Variants in PTPRS observed in about 807,000 individuals in gnomAD.
The protein encoded by PTPRS is receptor-type tyrosine-protein phosphatase S.
Under a neutral mutation model 215.3 loss-of-function variants are expected in PTPRS, and 63 were observed. That is an observed-to-expected ratio of 0.29 (90% CI 0.24 to 0.36). The LOEUF (loss-of-function observed/expected upper bound fraction) is 0.36. PTPRS is among the 10% of genes least tolerant of loss of function. The pLI, the probability that PTPRS is intolerant of heterozygous loss-of-function variation, is 1.00. For synonymous variants in PTPRS, 1,404 were observed against 1,191.4 expected (o/e 1.18, Z -3.68); for missense variants, 2,258 against 2,825.8 (o/e 0.80, Z 4.56).
At chr19:5,290,840 T>C (rs1229780092) in intron 1 of PTPRS, among the ~76,000 whole-genome samples, 1 of 151,876 alleles carries the variant, frequency 6.6e-6, no homozygotes, top group African/African-American at 2.4e-5. Context: ...TGCCACCGCC[T>C]GGAACGTCAT....
chr19:5,216,600 G>A (rs1465277400), intron 26 of PTPRS, 120 bp downstream of exon 26: 2 of 873,022 alleles, frequency 2.3e-6, no homozygotes, highest in Non-Finnish European at 3.6e-6. Context: ...CAAGACAGGT[G>A]GGCAAAGGCC....
chr19:5,326,410 C>T (rs891462863), intron 1 of PTPRS, among the ~76,000 whole-genome samples: 2 of 152,218 alleles, frequency 1.3e-5, no homozygotes, highest in South Asian at 2.1e-4. Flanking sequence ...CCTTGTTTTG[C>T]TCTCACCACA....
intron 1 of PTPRS, among the ~76,000 whole-genome samples, chr19:5,340,204 G>A (rs1018798653): frequency 6.7e-6 from 1 of 149,074 alleles, no homozygotes; most frequent in African/African-American, 2.5e-5. Context: ...CCGGCACAGC[G>A]CCCCCTGCCT....
chr19:5,229,913 C>CA (rs1472348229), intron 14 of PTPRS, among the ~76,000 whole-genome samples: 1 of 151,968 alleles, frequency 6.6e-6, no homozygotes, highest in East Asian at 1.9e-4. Context: ...CTGCCCCCCC[C>CA]CGAGTCTAAA....
At chr19:5,229,909 C>A (rs1056859962) in intron 14 of PTPRS, among the ~76,000 whole-genome samples, 56 of 151,894 alleles carry the variant, frequency 3.7e-4, no homozygotes, top group African/African-American at 1.3e-3. Context: ...CAGGCTGCCC[C>A]CCCCCGAGTC....
intron 9 of PTPRS, among the ~76,000 whole-genome samples, chr19:5,253,133 C>T (rs1239316187): frequency 6.6e-6 from 1 of 152,100 alleles, no homozygotes; most frequent in Non-Finnish European, 1.5e-5. Flanking sequence ...TGATCATCTT[C>T]CCACCTTGTC....
rs567188451 is a variant in PTPRS, at chr19:5,247,272, T to C, written c.719-1227A>G. On this transcript the variant is annotated intron_variant, in intron 9 of 37. Transcript: ENST00000262963. Reference sequence around the variant, plus strand: ...TGAACGTTGAGAGAACAGGGACATGTTCTGTGCGTTTCTTAGCGGGGAAGT... The same window carrying C: ...TGAACGTTGAGAGAACAGGGACATGCTCTGTGCGTTTCTTAGCGGGGAAGT... Among the ~76,000 whole-genome samples the C allele has an allele frequency of 2.0e-5, 3 of 152,020 alleles. No homozygotes were observed. The South Asian group carries it at 6.2e-4, about 32-fold the overall frequency.
chr19:5,313,995 G>C (rs1413054017), intron 1 of PTPRS, among the ~76,000 whole-genome samples: 1 of 151,824 alleles, frequency 6.6e-6, no homozygotes, highest in Admixed American at 6.6e-5. Flanking sequence ...AAATTAGCCA[G>C]GCATGGTGGC....
intron 4 of PTPRS, among the ~76,000 whole-genome samples, chr19:5,267,041 G>A (rs766119722): frequency 6.6e-6 from 1 of 152,248 alleles, no homozygotes; most frequent in African/African-American, 2.4e-5. Context: ...GCGCAGAACC[G>A]GGCATACAGT....
chr19:5,323,876 C>T (rs566012920), intron 1 of PTPRS, among the ~76,000 whole-genome samples: 20 of 152,180 alleles, frequency 1.3e-4, no homozygotes, highest in South Asian at 2.1e-4. Context: ...CAGAGGTGAC[C>T]GTGTTGGTCC....
At position 5,244,009 on chromosome 19, in the gene PTPRS, C is replaced by T. The variant is rs752283871; in HGVS notation, c.1462G>A (p.Val488Met). Residue 488 changes from valine to methionine, a missense_variant, in exon 11 of 38, where the codon GTG (valine) becomes ATG (methionine). By Grantham distance (21) the Val-to-Met change is conservative (BLOSUM62 1). Transcript: ENST00000262963. The surrounding 1 kb of genome is among the most constrained non-coding windows in gnomAD (Gnocchi z 7.2). Reference protein sequence around the residue: ...HNVDDSLLTTVGSLLEDETYT... With the variant: ...HNVDDSLLTTMGSLLEDETYT... ...GTCTCGTCCTCCAGCAGGCTGCCCA[C>T]GGTGGTCAGCAGGCTGTCGTCCACG... The T allele has an allele frequency of 4.8e-6, 7 of 1,469,728 alleles. No individual in the cohort carries two copies. Among genetic ancestry groups the T allele is most frequent in the African/African-American group, 3.0e-5 (2 of 66,436 alleles). 91.0% of individuals were successfully genotyped at this position (1,469,728 alleles called of 1,614,324 possible). A position where few individuals can be genotyped will look rare whatever the true frequency, so the allele number is the denominator to read the frequency against.
At chr19:5,312,579 T>G (rs574155411) in intron 1 of PTPRS, among the ~76,000 whole-genome samples, 4 of 152,304 alleles carry the variant, frequency 2.6e-5, no homozygotes, top group African/African-American at 9.6e-5. Context: ...GAGGACTGCT[T>G]GAGCCTAGGA....
intron 11 of PTPRS, 35 bp from the exon 12 acceptor site, chr19:5,240,367 G>A (rs551130688): frequency 6.1e-5 from 95 of 1,549,408 alleles, no homozygotes; most frequent in Admixed American, 7.7e-5. Flanking sequence ...AGGAGTCGGG[G>A]AGCGTCCACC....
intron 33 of PTPRS, among the ~76,000 whole-genome samples, chr19:5,211,248 T>G (rs985240593): frequency 2.6e-5 from 4 of 152,202 alleles, no homozygotes; most frequent in African/African-American, 9.7e-5. Flanking sequence ...CAAGCTGTTC[T>G]GTGTACTGTA....
Position 5,229,297 on chromosome 19 carries a change from G to T in PTPRS, c.2376+19C>A. ...GGGAAGCGCACAGCAGTAGGTGGGT[G>T]GCCAGGGGCGCTACTTACATATTCG... On this transcript the variant is annotated intron_variant, in intron 16 of 37. Transcript: ENST00000262963. 7.2e-7 allele frequency: 1 copy of T among 1,381,748 alleles called. No individual in the cohort carries two copies. Among genetic ancestry groups the T allele is most frequent in the South Asian group, 2.0e-5 (1 of 49,290 alleles). 85.6% of individuals were successfully genotyped at this position (1,381,748 alleles called of 1,614,324 possible). A position where few individuals can be genotyped will look rare whatever the true frequency, so the allele number is the denominator to read the frequency against.
rs567366914 is a variant in PTPRS at position 5,206,116 on chromosome 19, G to A, written c.*658C>T. 6.7e-4 allele frequency among the ~76,000 whole-genome samples: 100 copies of A among 148,320 alleles called. No individual in the cohort carries two copies. Among genetic ancestry groups the A allele is most frequent in the Non-Finnish European group, 1.1e-3 (76 of 67,466 alleles). ...GTACAGCCATGGGCCTGGCGTGCGC[G>A]TTTGCGAACGTAACTATCACACAAG... On this transcript the variant is annotated 3_prime_UTR_variant, in exon 38 of 38. Coordinates refer to ENST00000262963, the MANE Select transcript of PTPRS (RefSeq NM_002850.4).
intron 1 of PTPRS, among the ~76,000 whole-genome samples, chr19:5,300,500 G>A (rs1480562246): frequency 1.3e-5 from 2 of 151,874 alleles, no homozygotes; most frequent in Admixed American, 6.6e-5. Flanking sequence ...GGCGGGTGTG[G>A]TGGCTTACAC....
At chr19:5,236,549 A>G (rs1008779217) in intron 13 of PTPRS, among the ~76,000 whole-genome samples, 2 of 152,208 alleles carry the variant, frequency 1.3e-5, no homozygotes, top group Non-Finnish European at 2.9e-5. Context: ...AACCCTCACC[A>G]TCAGAGCAGC....
At chr19:5,209,101 G>A (rs2040633086) in intron 35 of PTPRS, among the ~76,000 whole-genome samples, 1 of 151,914 alleles carries the variant, frequency 6.6e-6, no homozygotes, top group Non-Finnish European at 1.5e-5. Flanking sequence ...GCCGTCCCGA[G>A]TTCCACCCAA....
Sources: allele counts gnomAD v4.1 joint callset (sites outside exome capture counted in the v4.1 genomes callset), GRCh38; gene constraint gnomAD v4.1.1; non-coding constraint Gnocchi (gnomAD v3.1); transcripts MANE v1.5; gene names NCBI Gene and HGNC (gene_info 2026-07-23, HGNC 2026-07-21).